Variants in WDFY2 observed in about 807,000 individuals in gnomAD.
WDFY2 encodes the protein WD repeat and FYVE domain containing 2, also known as WD repeat and FYVE domain-containing protein 2.
A neutral mutation model predicts 56.4 loss-of-function variants in WDFY2; 36 were observed. The ratio of observed to expected loss-of-function variants is 0.64; its 90% CI spans 0.49 to 0.84. The LOEUF is 0.84. WDFY2 is among the 40% of genes least tolerant of loss of function. The pLI is 0.00. For missense variants in WDFY2, 444 were observed against 512.2 expected (o/e 0.87, Z 1.29); for synonymous variants, 176 against 183.7 (o/e 0.96, Z 0.34).
rs142809245 is a variant in WDFY2 at position 51,676,278 on chromosome 13, A to G, written c.279+1035A>G. Among the ~76,000 whole-genome samples the G allele has an allele frequency of 7.6e-3, 1,159 of 152,344 alleles. 10 individuals carry two copies. The highest frequency in any genetic ancestry group is 0.027 in the African/African-American group (1,117 of 41,574). On this transcript the variant is annotated intron_variant, in intron 3 of 11. Transcript: ENST00000298125. ...AAAGAGGTAGCAGTTTGCGGTAGAC[A>G]GGATGTCCACCCTTGAGTGCAGGGC...
intron 6 of WDFY2, among the ~76,000 whole-genome samples, chr13:51,737,551 T>TAAAAAAAAAAAAAAAAAAAAAAA (rs67418551): frequency 1.9e-5 from 1 of 53,246 alleles, no homozygotes; most frequent in Non-Finnish European, 3.2e-5. Flanking sequence ...ACAATGAATT[T>TAAAAAAAAAAAAAAAAAAAAAAA]AAAAAAAAAA....
At chr13:51,744,507 T>C (rs1953049384) in intron 7 of WDFY2, among the ~76,000 whole-genome samples, 1 of 152,218 alleles carries the variant, frequency 6.6e-6, no homozygotes, top group South Asian at 2.1e-4. Flanking sequence ...GCCACCATCT[T>C]GTAATTCTTA....
At chr13:51,603,587 C>T (rs1416578547) in intron 1 of WDFY2, among the ~76,000 whole-genome samples, 3 of 152,120 alleles carry the variant, frequency 2.0e-5, no homozygotes, top group Non-Finnish European at 4.4e-5. Flanking sequence ...AATTTGCCCG[C>T]AATTTAAATC....
chr13:51,730,437 C>T (rs1952698634), intron 6 of WDFY2, among the ~76,000 whole-genome samples: 1 of 152,184 alleles, frequency 6.6e-6, no homozygotes, highest in Non-Finnish European at 1.5e-5. Context: ...CTGCGGTTTC[C>T]CAGGATCTTC....
intron 4 of WDFY2, among the ~76,000 whole-genome samples, chr13:51,710,849 A>C (rs892764204): frequency 1.3e-5 from 2 of 152,234 alleles, no homozygotes; most frequent in African/African-American, 4.8e-5. Context: ...ATATCATGAA[A>C]ATGGCCATAC....
At chr13:51,758,001 C>T (rs956801699) in intron 10 of WDFY2, among the ~76,000 whole-genome samples, 191 bp from the exon 11 acceptor site, 2 of 150,740 alleles carry the variant, frequency 1.3e-5, no homozygotes, top group African/African-American at 4.9e-5. Flanking sequence ...ATTTTAAAGA[C>T]TATAAGATTT....
chr13:51,590,681 AAG>A (rs1453633836), intron 1 of WDFY2: 2 of 152,170 alleles, frequency 1.3e-5, no homozygotes, highest in African/African-American at 2.4e-5. Context: ...AGAATTTAAA[AAG>A]AGATCACACT....
intron 4 of WDFY2, among the ~76,000 whole-genome samples, chr13:51,708,987 G>C (rs1952149227): frequency 6.6e-6 from 1 of 152,086 alleles, no homozygotes; most frequent in Non-Finnish European, 1.5e-5. Flanking sequence ...CTAATAACAT[G>C]GTTTTGAAAT....
Position 51,739,136 on chromosome 13 carries a change from G to A in WDFY2, c.686G>A (p.Gly229Asp). The A allele has an allele frequency of 6.3e-7, 1 of 1,599,050 alleles. No homozygotes were observed. Among genetic ancestry groups the A allele is most frequent in the Non-Finnish European group, 8.5e-7 (1 of 1,173,114 alleles). Residue 229 changes from glycine to aspartate, a missense_variant, in exon 7 of 12, where the codon GGT (glycine) becomes GAT (aspartate). Gly to Asp is a moderately conservative substitution (Grantham distance 94). Transcript: ENST00000298125. ...SDHSVIMWDI[G>D]GRKGTAIELQ... ...CACTCTGTCATCATGTGGGACATCG[G>A]TGGGAGAAAAGGAACAGCCATCGAG...
intron 4 of WDFY2, among the ~76,000 whole-genome samples, chr13:51,710,265 C>T (rs1321338265): frequency 3.3e-5 from 5 of 152,088 alleles, no homozygotes; most frequent in African/African-American, 1.2e-4. Context: ...TCTCAATAAA[C>T]TAGGTATTGA....
chr13:51,612,725 T>C (rs1954527064), intron 1 of WDFY2, among the ~76,000 whole-genome samples: 1 of 152,248 alleles, frequency 6.6e-6, no homozygotes, highest in African/African-American at 2.4e-5. Flanking sequence ...AGTTTATGGT[T>C]GACCATATAC....
chr13:51,606,857 A>G (rs1410292281), intron 1 of WDFY2, among the ~76,000 whole-genome samples: 2 of 152,134 alleles, frequency 1.3e-5, no homozygotes, highest in African/African-American at 2.4e-5. Context: ...ATTTTTCACC[A>G]TGTAATTCTA....
chr13:51,640,933 GA>G (rs1955143515), intron 1 of WDFY2, among the ~76,000 whole-genome samples: 1 of 152,084 alleles, frequency 6.6e-6, no homozygotes, highest in Admixed American at 6.5e-5. Context: ...ATTCATAAAG[GA>G]TAAAGAGAAA....
chr13:51,625,528 T>C (rs561830390), intron 1 of WDFY2, among the ~76,000 whole-genome samples: 1 of 152,324 alleles, frequency 6.6e-6, no homozygotes, highest in African/African-American at 2.4e-5. Context: ...AAATTGATAT[T>C]TTGCTTTGTT....
chr13:51,636,023 A>G (rs982251696), intron 1 of WDFY2, among the ~76,000 whole-genome samples: 2 of 152,180 alleles, frequency 1.3e-5, no homozygotes, highest in Non-Finnish European at 1.5e-5. Context: ...AATGGAAGGA[A>G]TGCCCACCGG....
At chr13:51,586,966 C>G (rs1953952129) in intron 1 of WDFY2, 1 of 152,074 alleles carries the variant, frequency 6.6e-6, no homozygotes, top group African/African-American at 2.4e-5. Context: ...TATATTCTTG[C>G]TTTCCAAAAT....
intron 10 of WDFY2, among the ~76,000 whole-genome samples, chr13:51,756,925 T>C (rs1015248553): frequency 6.6e-5 from 10 of 152,256 alleles, no homozygotes; most frequent in Non-Finnish European, 1.5e-4. Flanking sequence ...CTCAGCTGGC[T>C]GCTTGTCAGA....
chr13:51,624,552 G>T (rs1954805360), intron 1 of WDFY2, among the ~76,000 whole-genome samples: 1 of 152,134 alleles, frequency 6.6e-6, no homozygotes. Flanking sequence ...AAAGATCCCT[G>T]CCACCATGGA....
At chr13:51,737,033 C>A (rs1952852179) in intron 6 of WDFY2, among the ~76,000 whole-genome samples, 1 of 152,160 alleles carries the variant, frequency 6.6e-6, no homozygotes, top group South Asian at 2.1e-4. Context: ...CTACCCATTT[C>A]ACGTGTTATA....
Sources: gnomAD v4.1 joint callset for allele counts (sites outside exome capture counted in the v4.1 genomes callset) on GRCh38, gnomAD v4.1.1 for gene constraint, MANE v1.5 for transcripts, NCBI Gene and HGNC (gene_info 2026-07-23, HGNC 2026-07-21) for gene names.